Variants in KDM2A observed in about 807,000 individuals in gnomAD.
KDM2A encodes the protein lysine demethylase 2A, also known as lysine-specific demethylase 2A.
A neutral mutation model predicts 137.3 loss-of-function variants in KDM2A; 3 were observed. The ratio of observed to expected loss-of-function variants is 0.02; its 90% CI spans 0.01 to 0.06. The LOEUF (loss-of-function observed/expected upper bound fraction) is 0.06, where lower values mean the gene tolerates loss of function less well. Among genes scored for constraint, KDM2A ranks in the 10% least tolerant of loss-of-function variants. KDM2A has a pLI of 1.00. For missense variants in KDM2A, 738 were observed against 1,510.6 expected, an observed-to-expected ratio of 0.49 and a Z score of 8.48; for synonymous variants, 512 against 541.5, an observed-to-expected ratio of 0.95 and a Z score of 0.76.
intron 2 of KDM2A, among the ~76,000 whole-genome samples, chr11:67,147,249 T>C (rs187194378): frequency 1.3e-5 from 2 of 152,130 alleles, no homozygotes; most frequent in Admixed American, 6.5e-5. Flanking sequence ...TTAAAAGATA[T>C]GACTTCCACT....
At chr11:67,126,246 CAAA>C (rs112684494) in intron 2 of KDM2A, among the ~76,000 whole-genome samples, 2 of 76,840 alleles carry the variant, frequency 2.6e-5, no homozygotes, top group Non-Finnish European at 2.7e-5. Flanking sequence ...AACTCCGTCT[CAAA>C]AAAAAAAAAA....
At chr11:67,231,401 A>AT (rs1858716464) in intron 11 of KDM2A, among the ~76,000 whole-genome samples, 165 bp from the exon 12 acceptor site, 1 of 152,242 alleles carries the variant, frequency 6.6e-6, no homozygotes, top group Non-Finnish European at 1.5e-5. Context: ...GTTAACTGTG[A>AT]TTTTGAACAG....
chr11:67,143,373 T>C (rs1856165608), intron 2 of KDM2A: 1 of 152,056 alleles, frequency 6.6e-6, no homozygotes, highest in South Asian at 2.1e-4. Flanking sequence ...CTAGCATCGG[T>C]ATGAAATAGT....
chr11:67,150,083 T>C (rs1320770836), intron 2 of KDM2A, among the ~76,000 whole-genome samples: 1 of 152,238 alleles, frequency 6.6e-6, no homozygotes, highest in Non-Finnish European at 1.5e-5. Flanking sequence ...ATTCGTTGTG[T>C]AATGACAGAT....
intron 2 of KDM2A, among the ~76,000 whole-genome samples, chr11:67,166,345 C>T (rs373425023): frequency 8.6e-5 from 13 of 151,708 alleles, no homozygotes; most frequent in African/African-American, 2.7e-4. Flanking sequence ...CCATCATGCC[C>T]GGCTAATTTT....
At chr11:67,143,911 C>T (rs1163128520) in intron 2 of KDM2A, among the ~76,000 whole-genome samples, 1 of 151,720 alleles carries the variant, frequency 6.6e-6, no homozygotes, top group Non-Finnish European at 1.5e-5. Flanking sequence ...GGTTTACAGG[C>T]ATGAGCCACT....
At chr11:67,247,849 A>G (rs1045133430) in intron 15 of KDM2A, among the ~76,000 whole-genome samples, 2 of 152,238 alleles carry the variant, frequency 1.3e-5, no homozygotes, top group African/African-American at 4.8e-5. Flanking sequence ...TAATTCCATG[A>G]TGATGATAAT....
chr11:67,168,782 A>C (rs1027439970), intron 2 of KDM2A, among the ~76,000 whole-genome samples: 1 of 152,046 alleles, frequency 6.6e-6, no homozygotes, highest in African/African-American at 2.4e-5. Flanking sequence ...CAGCGTTTTA[A>C]AGTTCAGTTG....
chr11:67,210,982 G>A (rs578174968), intron 6 of KDM2A, among the ~76,000 whole-genome samples: 2 of 152,138 alleles, frequency 1.3e-5, no homozygotes, highest in Admixed American at 1.3e-4. Flanking sequence ...ACTTGAACCC[G>A]GGAGGCAGAA....
At chr11:67,128,921 C>T (rs1179426105) in intron 2 of KDM2A, among the ~76,000 whole-genome samples, 2 of 152,206 alleles carry the variant, frequency 1.3e-5, no homozygotes, top group African/African-American at 4.8e-5. Context: ...GATTAAGCCA[C>T]TAGAGTGGAG....
Position 67,255,151 on chromosome 11 carries a change from C to G in KDM2A, c.*96C>G. On this transcript the variant is annotated 3_prime_UTR_variant, in exon 21 of 21. Transcript: ENST00000529006. ...GACCCTGCACGGGCTCTGAGGCCAG[C>G]GTCACACTCCCTCTCTGCTCTCCTG... 1 of 1,057,752 alleles carries G rather than the reference C, an allele frequency of 9.5e-7. No individual in the cohort carries two copies. Among genetic ancestry groups the G allele is most frequent in the Non-Finnish European group, 1.4e-6 (1 of 727,940 alleles). The allele number at this position is 1,057,752 out of a possible 1,614,324, so 65.5% of individuals were successfully genotyped here. A position where few individuals can be genotyped will look rare whatever the true frequency, so the allele number is the denominator to read the frequency against.
intron 5 of KDM2A, among the ~76,000 whole-genome samples, chr11:67,198,370 G>A (rs1027579683): frequency 1.9e-4 from 29 of 151,008 alleles, no homozygotes; most frequent in Non-Finnish European, 1.2e-4. Context: ...CATTGAGCAA[G>A]TCTGTAGCCG....
chr11:67,172,322 A>G (rs1856895817), intron 2 of KDM2A, among the ~76,000 whole-genome samples: 1 of 152,202 alleles, frequency 6.6e-6, no homozygotes. Context: ...AAAAAGAAAA[A>G]AAGCTGTGAT....
chr11:67,161,170 T>C (rs1268042900), intron 2 of KDM2A, among the ~76,000 whole-genome samples: 1 of 152,152 alleles, frequency 6.6e-6, no homozygotes, highest in Non-Finnish European at 1.5e-5. Context: ...GAGACTAACT[T>C]GAGAACGCAG....
At chr11:67,120,612 C>T (rs558289762) in intron 1 of KDM2A, among the ~76,000 whole-genome samples, 12 of 152,042 alleles carry the variant, frequency 7.9e-5, no homozygotes, top group Non-Finnish European at 1.5e-4. Context: ...TGATTTGCAC[C>T]TCTGAAATTT....
At chr11:67,134,177 G>A (rs1170022084) in intron 2 of KDM2A, among the ~76,000 whole-genome samples, 3 of 152,200 alleles carry the variant, frequency 2.0e-5, no homozygotes, top group Non-Finnish European at 4.4e-5. Flanking sequence ...AGTGGATGAG[G>A]CTTTAGACAG....
chr11:67,247,753 T>G (rs1430809487), intron 15 of KDM2A, among the ~76,000 whole-genome samples: 1 of 152,220 alleles, frequency 6.6e-6, no homozygotes, highest in African/African-American at 2.4e-5. Flanking sequence ...GTTTGTTTGA[T>G]TAATTATAAC....
chr11:67,167,642 C>CCT (rs1191226955), intron 2 of KDM2A, among the ~76,000 whole-genome samples: 5 of 150,938 alleles, frequency 3.3e-5, no homozygotes, highest in Admixed American at 6.6e-5. Context: ...AATCAAGAGA[C>CCT]TTAGGTACGC....
chr11:67,187,146 A>G (rs974887459), intron 5 of KDM2A, among the ~76,000 whole-genome samples: 11 of 152,212 alleles, frequency 7.2e-5, no homozygotes, highest in African/African-American at 2.4e-4. Context: ...GACAAGATCT[A>G]TAGTATATAT....
Sources: gnomAD v4.1 joint callset for allele counts (sites outside exome capture counted in the v4.1 genomes callset) on GRCh38, gnomAD v4.1.1 for gene constraint, MANE v1.5 for transcripts, NCBI Gene and HGNC (gene_info 2026-07-23, HGNC 2026-07-21) for gene names.